Variants in NIBAN3 observed in about 807,000 individuals in gnomAD.
The protein encoded by NIBAN3 is niban apoptosis regulator 3, also known as protein Niban 3.
Under a neutral mutation model 76.4 loss-of-function variants are expected in NIBAN3, and 66 were observed. The ratio of observed to expected loss-of-function variants is 0.86; its 90% CI spans 0.71 to 1.06. The LOEUF (loss-of-function observed/expected upper bound fraction) is 1.06, where lower values mean the gene tolerates loss of function less well. Among genes scored for constraint, NIBAN3 ranks in the 50% least tolerant of loss-of-function variants. NIBAN3 has a pLI of 0.00. For missense variants in NIBAN3, 808 were observed against 810.7 expected, an observed-to-expected ratio of 1.00 and a Z score of 0.04; for synonymous variants, 360 against 355.2, an observed-to-expected ratio of 1.01 and a Z score of -0.15.
chr19:17,540,453 G>C lies in NIBAN3; in HGVS notation c.1041G>C (p.Arg347=), dbSNP rs1194685137. ...LRREVDPQLP[R]VVQTLLRTVE... The stretch of plus-strand genomic sequence containing the variant: ...GGGAGGTGGACCCGCAGCTGCCCCG[G>C]GTCGTGCAGACCCTGCTGCGCACCG... The change falls in exon 9 of 15, where the codon CGG becomes CGC. Residue 347 remains arginine (R), a synonymous_variant. Coordinates refer to ENST00000599164, the MANE Select transcript of NIBAN3 (RefSeq NM_001321827.2). 3 of 1,577,372 alleles carry C rather than the reference G, an allele frequency of 1.9e-6. No homozygotes were observed. The African/African-American group carries it at 4.1e-5, about 22-fold the overall frequency.
rs774926884 is a variant in NIBAN3 at position 17,543,613 on chromosome 19, C to T, written c.1536C>T (p.Leu512=). The stretch of plus-strand genomic sequence containing the variant: ...TTTTACCTTTTGTGCTGAGCCAACT[C>T]GAGCCAGGCTGCAAAAAGGTGAGTT... ...CIFLPFVLSQ[L]EPGCKKELPE... The change falls in exon 12 of 15, where the codon CTC becomes CTT. Residue 512 remains leucine (L), a synonymous_variant. Coordinates refer to ENST00000599164, the MANE Select transcript of NIBAN3 (RefSeq NM_001321827.2). The T allele has an allele frequency of 2.5e-5, 40 of 1,613,016 alleles. No homozygotes were observed. Among genetic ancestry groups the T allele is most frequent in the Non-Finnish European group, 3.1e-5 (37 of 1,179,474 alleles).
chr19:17,530,997 T>A, intron 2 of NIBAN3, 112 bp downstream of exon 2: 2 of 1,209,868 alleles, frequency 1.7e-6, no homozygotes, highest in African/African-American at 1.6e-5. Flanking sequence ...AGGATGACTT[T>A]AAATATGCAT....
chr19:17,537,189 G>A (rs2075839626), intron 4 of NIBAN3, among the ~76,000 whole-genome samples, 187 bp from the exon 5 acceptor site: 1 of 152,134 alleles, frequency 6.6e-6, no homozygotes, highest in Non-Finnish European at 1.5e-5. Flanking sequence ...AGTGGAAGAA[G>A]GTGACCCTGC....
upstream of NIBAN3, among the ~76,000 whole-genome samples, chr19:17,525,150 C>T (rs2075592015): frequency 6.6e-6 from 1 of 152,142 alleles, no homozygotes. Flanking sequence ...GCCTGGAGCC[C>T]CTGACTGCTG....
chr19:17,533,505 A>G (rs971978338), intron 3 of NIBAN3, 82 bp from the exon 4 acceptor site: 16 of 902,042 alleles, frequency 1.8e-5, no homozygotes, highest in Non-Finnish European at 2.5e-5. Flanking sequence ...CTCATCTGAA[A>G]TCTTCCCTTG....
chr19:17,541,622 A>G (rs2075953500), intron 9 of NIBAN3, among the ~76,000 whole-genome samples: 1 of 151,914 alleles, frequency 6.6e-6, no homozygotes, highest in Admixed American at 6.6e-5. Flanking sequence ...TTTTATGTCC[A>G]TGACACCGTG....
upstream of NIBAN3, among the ~76,000 whole-genome samples, chr19:17,525,432 C>T (rs1456020144): frequency 6.6e-6 from 1 of 152,174 alleles, no homozygotes; most frequent in Non-Finnish European, 1.5e-5. Flanking sequence ...AGGCACAAAA[C>T]AGGTGAAGGG....
At chr19:17,531,197 C>T (rs1021634750) in intron 2 of NIBAN3, among the ~76,000 whole-genome samples, 5 of 151,916 alleles carry the variant, frequency 3.3e-5, no homozygotes, top group South Asian at 2.1e-4. Context: ...CCCTGTAGCG[C>T]GCACCTGTAG....
In NIBAN3 at chr19:17,540,497, C is replaced by A. The variant is rs1477540745; in HGVS notation, c.1085C>A (p.Ala362Glu). 3 of 1,598,380 alleles carry A rather than the reference C, an allele frequency of 1.9e-6. No homozygotes were observed. The highest frequency in any genetic ancestry group is 2.6e-6 in the Non-Finnish European group (3 of 1,172,824). ...CGCACCGTGGAAGCCTCGCTCGAGG[C>A]GGTGCGGACCCTCCTGGCTCAAGGC... Reference protein sequence around the residue: ...LLRTVEASLEAVRTLLAQGMD... With the variant: ...LLRTVEASLEEVRTLLAQGMD... The change falls in exon 9 of 15, where the codon GCG becomes GAG. Residue 362 changes from alanine to glutamate, a missense_variant. Transcript: ENST00000599164.
intron 4 of NIBAN3, among the ~76,000 whole-genome samples, chr19:17,535,841 C>T (rs2075816559): frequency 6.6e-6 from 1 of 151,802 alleles, no homozygotes; most frequent in Admixed American, 6.6e-5. Flanking sequence ...GAGTTTGAGG[C>T]CACCGTGAGC....
In NIBAN3 at chr19:17,553,455, C is replaced by T; in HGVS notation, c.*1557C>T. 1 of 1,614,208 alleles carries T rather than the reference C, an allele frequency of 6.2e-7. No individual in the cohort carries two copies. Among genetic ancestry groups the T allele is most frequent in the Admixed American group, 1.7e-5 (1 of 60,012 alleles). ...GCAGCTGCTTCCGGAGTGGGTTCCACAGGGATTCCCGTGTGTTCTTGGTTC... is the reference window on the plus strand; with the variant it reads ...GCAGCTGCTTCCGGAGTGGGTTCCATAGGGATTCCCGTGTGTTCTTGGTTC... On this transcript the variant is annotated 3_prime_UTR_variant, in exon 15 of 15. Coordinates refer to ENST00000599164, the MANE Select transcript of NIBAN3 (RefSeq NM_001321827.2).
At chr19:17,554,779 C>CAA (rs66782675), downstream of NIBAN3, among the ~76,000 whole-genome samples, 3,510 of 117,954 alleles carry the variant, frequency 0.03, 76 homozygotes, top group Non-Finnish European at 0.035. Flanking sequence ...GACGCTGTCT[C>CAA]AAAAAAAAAA....
At chr19:17,539,791 C>T (rs1378720085) in intron 8 of NIBAN3, 26 bp downstream of exon 8, 1 of 1,485,588 alleles carries the variant, frequency 6.7e-7, no homozygotes, top group Non-Finnish European at 9.0e-7. Context: ...GGAGCCTGGG[C>T]TGGGAGGGGC....
intron 2 of NIBAN3, among the ~76,000 whole-genome samples, chr19:17,531,969 G>C (rs540327118): frequency 2.3e-4 from 35 of 152,340 alleles, no homozygotes; most frequent in African/African-American, 7.7e-4. Flanking sequence ...CACTACAGAG[G>C]TGTGATTTCA....
intron 1 of NIBAN3, among the ~76,000 whole-genome samples, chr19:17,527,747 A>G (rs1405313077): frequency 6.6e-6 from 1 of 150,862 alleles, no homozygotes; most frequent in East Asian, 2.0e-4. Context: ...TTTAATAGAG[A>G]CAGGGTGTCC....
downstream of NIBAN3, among the ~76,000 whole-genome samples, chr19:17,554,929 C>CA (rs539980884): frequency 0.012 from 1,109 of 92,046 alleles, 11 homozygotes; most frequent in African/African-American, 0.019. Context: ...GACTCCGTCT[C>CA]AAAAAAAAAA....
rs541393715 is a variant in NIBAN3 at position 17,538,628 on chromosome 19, GAGAAA to G, written c.596-508_596-504del. On this transcript the variant is annotated intron_variant, in intron 5 of 14. Coordinates refer to ENST00000599164, the MANE Select transcript of NIBAN3 (RefSeq NM_001321827.2). Reference sequence around the variant, plus strand: ...ACAGAGAGACCCCCTGAGAAAGAGAGAGAAAAGAAAAGAAAAGAGGAGAGAAGAGA... The same window carrying G: ...ACAGAGAGACCCCCTGAGAAAGAGAGAGAAAAGAAAAGAGGAGAGAAGAGA... Among the ~76,000 whole-genome samples the G allele has an allele frequency of 5.8e-3, 859 of 148,086 alleles. 8 individuals carry two copies. The highest frequency in any genetic ancestry group is 0.02 in the African/African-American group (811 of 40,012).
chr19:17,529,214 G>A (rs1176392235), intron 1 of NIBAN3, among the ~76,000 whole-genome samples: 3 of 152,148 alleles, frequency 2.0e-5, no homozygotes, highest in African/African-American at 2.4e-5. Context: ...GGCTGGGGGG[G>A]CATTGTAAGG....
At position 17,542,235 on chromosome 19, in the gene NIBAN3, C is replaced by T. The variant is rs866706791; in HGVS notation, c.1270C>T (p.Pro424Ser). Residue 424 changes from proline (P) to serine (S), a missense_variant, in exon 10 of 15, where the codon CCG becomes TCG. Coordinates refer to ENST00000599164, the MANE Select transcript of NIBAN3 (RefSeq NM_001321827.2). This position sits in a 1 kb window ranked among gnomAD's most constrained non-coding sequence, Gnocchi z 4.8. ...GGGGCGCTTGGGGCAGCTGGCAGCA[C>T]CGTTTGGCTTTCTGGGGATGCAGAG... Reference protein sequence around the residue: ...SRGRLGQLAAPFGFLGMQSLV... With the variant: ...SRGRLGQLAASFGFLGMQSLV... 1.2e-6 allele frequency: 2 copies of T among 1,609,144 alleles called. No individual in the cohort carries two copies. The highest frequency in any genetic ancestry group is 3.3e-4 in the Middle Eastern group (2 of 6,056).
Sources: gnomAD v4.1 joint callset for allele counts (sites outside exome capture counted in the v4.1 genomes callset) on GRCh38, gnomAD v4.1.1 for gene constraint, Gnocchi (gnomAD v3.1) non-coding constraint, MANE v1.5 for transcripts, NCBI Gene and HGNC (gene_info 2026-07-23, HGNC 2026-07-21) for gene names.